The following CNTN4 variants were observed in gnomAD, a reference collection of about 807,000 sequenced individuals.
CNTN4 encodes contactin 4.
A neutral mutation model predicts 122.5 loss-of-function variants in CNTN4; 77 were observed. The ratio of observed to expected loss-of-function variants is 0.63; its 90% CI spans 0.52 to 0.76. CNTN4 has a LOEUF of 0.76. CNTN4 is among the 30% of genes least tolerant of loss of function. The pLI is 0.00. For synonymous variants in CNTN4, 512 were observed against 447.0 expected (o/e 1.15, Z -1.83); for missense variants, 1,256 against 1,259.1 (o/e 1.00, Z 0.04).
At position 2,108,561 on chromosome 3, in the gene CNTN4, A is replaced by G. The variant is rs761011190; in HGVS notation, c.-145+7922A>G. On this transcript the variant is annotated intron_variant, in intron 2 of 24. Transcript: ENST00000418658. ...CGGTGCAATGGAATTTCATTGAGAC[A>G]GTGGATAACAGCTTGAAATTTGGAG... Among the ~76,000 whole-genome samples the G allele has an allele frequency of 1.0e-3, 156 of 152,358 alleles. 1 individual carries two copies. The highest frequency in any genetic ancestry group is 8.5e-4 in the Non-Finnish European group (58 of 68,030).
At chr3:2,116,962 T>A (rs1291127943) in intron 2 of CNTN4, among the ~76,000 whole-genome samples, 1 of 152,136 alleles carries the variant, frequency 6.6e-6, no homozygotes, top group African/African-American at 2.4e-5. Context: ...TGTGACCAAA[T>A]TTGTGGGGGA....
intron 2 of CNTN4, among the ~76,000 whole-genome samples, chr3:2,287,766 GAAGAAGAAGA>G: frequency 6.8e-6 from 1 of 147,346 alleles, no homozygotes; most frequent in Non-Finnish European, 1.5e-5. Context: ...AGAAGAAGAA[GAAGAAGAAGA>G]AGGAGAAGAA....
rs111762353 is a variant in CNTN4 at position 2,888,658 on chromosome 3, A to G, written c.940+1434A>G. 1.1e-3 allele frequency among the ~76,000 whole-genome samples: 174 copies of G among 152,054 alleles called. 1 individual carries two copies. The highest frequency in any genetic ancestry group is 3.9e-3 in the African/African-American group (163 of 41,470). ...ATTAAATATGTATATTCATATTTAT[A>G]TACATATGAATATGTATATAAATTC... On this transcript the variant is annotated intron_variant, in intron 10 of 24. Transcript: ENST00000418658.
chr3:2,356,797 C>T (rs73119568), intron 3 of CNTN4, among the ~76,000 whole-genome samples: 3 of 152,198 alleles, frequency 2.0e-5, no homozygotes, highest in Admixed American at 6.5e-5. Flanking sequence ...GAACTTATTA[C>T]AGGCAAAGTG....
chr3:2,996,419 G>C (rs899367294), intron 14 of CNTN4, among the ~76,000 whole-genome samples: 3 of 152,122 alleles, frequency 2.0e-5, no homozygotes, highest in South Asian at 2.1e-4. Context: ...TTGTAGAAGA[G>C]ACACCTTTTA....
At chr3:2,401,458 G>T (rs1240783496) in intron 3 of CNTN4, among the ~76,000 whole-genome samples, 1 of 152,120 alleles carries the variant, frequency 6.6e-6, no homozygotes, top group South Asian at 2.1e-4. Flanking sequence ...CATCAGTCTA[G>T]AAGTTAAGAT....
intron 6 of CNTN4, among the ~76,000 whole-genome samples, chr3:2,771,346 C>A (rs974068087): frequency 1.1e-4 from 16 of 152,132 alleles, no homozygotes; most frequent in African/African-American, 3.9e-4. Context: ...AAAATTGAAA[C>A]TGAAAAATAA....
In CNTN4 at chr3:2,642,045, A is replaced by T. The variant is rs999892083; in HGVS notation, c.55+70487A>T. Among the ~76,000 whole-genome samples the T allele has an allele frequency of 3.5e-4, 54 of 152,208 alleles. 1 individual carries two copies. The highest frequency in any genetic ancestry group is 1.3e-3 in the African/African-American group (52 of 41,452). On this transcript the variant is annotated intron_variant, in intron 4 of 24. Coordinates refer to ENST00000418658, the MANE Select transcript of CNTN4 (RefSeq NM_175607.3). The stretch of plus-strand genomic sequence containing the variant: ...ATGTGTGTATAAATGAGAGTTTATT[A>T]AGGAGCACTAACTCACATGATCACA...
At position 2,673,602 on chromosome 3, in the gene CNTN4, G is replaced by A. The variant is rs924791981; in HGVS notation, c.56-62613G>A. 1.4e-4 allele frequency among the ~76,000 whole-genome samples: 21 copies of A among 152,040 alleles called. 1 individual carries two copies. Among genetic ancestry groups the A allele is most frequent in the African/African-American group, 4.1e-4 (17 of 41,390 alleles). On this transcript the variant is annotated intron_variant, in intron 4 of 24. Coordinates refer to ENST00000418658, the MANE Select transcript of CNTN4 (RefSeq NM_175607.3). ...GTCGCCCAGGCTGGAGTGCAGTGGC[G>A]TGATCTCGGCTCACTGCAAGCTGCA...
intron 2 of CNTN4, among the ~76,000 whole-genome samples, chr3:2,337,961 T>C (rs1242074110): frequency 6.6e-6 from 1 of 152,242 alleles, no homozygotes; most frequent in South Asian, 2.1e-4. Context: ...AGATACATAC[T>C]AAACTTTTGT....
intron 7 of CNTN4, among the ~76,000 whole-genome samples, chr3:2,843,527 C>A (rs556194833): frequency 4.1e-4 from 63 of 152,276 alleles, no homozygotes; most frequent in African/African-American, 1.4e-3. Flanking sequence ...TGTAACCCCC[C>A]AATGTTGGAG....
chr3:2,169,423 T>C (rs2036343337), intron 2 of CNTN4, among the ~76,000 whole-genome samples: 1 of 151,962 alleles, frequency 6.6e-6, no homozygotes. Flanking sequence ...CTTTTTTTTT[T>C]TGAGACGGAG....
intron 3 of CNTN4, among the ~76,000 whole-genome samples, chr3:2,423,215 A>C (rs985739191): frequency 1.3e-5 from 2 of 152,070 alleles, no homozygotes; most frequent in African/African-American, 2.4e-5. Context: ...TTCTTTCTTT[A>C]TTTTTTCCAA....
At chr3:2,952,043 A>G (rs759748678) in intron 13 of CNTN4, among the ~76,000 whole-genome samples, 27 of 152,244 alleles carry the variant, frequency 1.8e-4, no homozygotes, top group Non-Finnish European at 3.5e-4. Flanking sequence ...CAGAGAGGCC[A>G]TTCTACTACC....
chr3:2,292,530 A>G lies in CNTN4; in HGVS notation c.-144-46648A>G, dbSNP rs113419490. 5.7e-3 allele frequency among the ~76,000 whole-genome samples: 869 copies of G among 152,274 alleles called. 6 individuals carry two copies. The highest frequency in any genetic ancestry group is 0.02 in the African/African-American group (811 of 41,562). On this transcript the variant is annotated intron_variant, in intron 2 of 24. Coordinates refer to ENST00000418658, the MANE Select transcript of CNTN4 (RefSeq NM_175607.3). ...ACTACTACTCAGATAAAGATATAGT[A>G]TATCTTCATAATTTTCCAAAGTTCT...
chr3:2,439,624 A>G (rs2048364483), intron 3 of CNTN4, among the ~76,000 whole-genome samples: 1 of 151,756 alleles, frequency 6.6e-6, no homozygotes, highest in Admixed American at 6.6e-5. Context: ...CTGTCTCTGT[A>G]TGTGTGTGTG....
At chr3:2,794,792 G>A (rs2092119210) in intron 6 of CNTN4, among the ~76,000 whole-genome samples, 1 of 152,180 alleles carries the variant, frequency 6.6e-6, no homozygotes, top group Non-Finnish European at 1.5e-5. Flanking sequence ...CAAGACACAA[G>A]CAGATTCAAT....
intron 12 of CNTN4, among the ~76,000 whole-genome samples, chr3:2,924,066 A>G (rs775298550): frequency 1.3e-5 from 2 of 152,138 alleles, no homozygotes; most frequent in Non-Finnish European, 2.9e-5. Flanking sequence ...TGAGATATCA[A>G]TTGCCTACTA....
At chr3:2,559,993 A>G (rs567108609) in intron 3 of CNTN4, among the ~76,000 whole-genome samples, 3 of 152,362 alleles carry the variant, frequency 2.0e-5, no homozygotes, top group South Asian at 2.1e-4. Flanking sequence ...ATAGTTAGCT[A>G]TAAATACATA....
Sources: gnomAD v4.1 joint callset for allele counts (sites outside exome capture counted in the v4.1 genomes callset) on GRCh38, gnomAD v4.1.1 for gene constraint, MANE v1.5 for transcripts, NCBI Gene and HGNC (gene_info 2026-07-23, HGNC 2026-07-21) for gene names.